Variants in TBXAS1 observed in about 807,000 individuals in gnomAD.
TBXAS1 encodes the protein thromboxane-A synthase.
Under a neutral mutation model 60.7 loss-of-function variants are expected in TBXAS1, and 48 were observed. That is an observed-to-expected ratio of 0.79 (90% CI 0.63 to 1.01). TBXAS1 has a LOEUF of 1.01. Among genes scored for constraint, TBXAS1 ranks in the 50% least tolerant of loss-of-function variants. The probability of loss-of-function intolerance (pLI) is 0.00; values close to 1 mark genes in which losing one functional copy is unlikely to be tolerated. For missense variants in TBXAS1, 685 were observed against 686.3 expected (o/e 1.00, Z 0.02); for synonymous variants, 287 against 269.7 (o/e 1.06, Z -0.63).
At chr7:139,798,840 G>A (rs1354433535) in intron 4 of TBXAS1, among the ~76,000 whole-genome samples, 1 of 152,186 alleles carries the variant, frequency 6.6e-6, no homozygotes, top group Non-Finnish European at 1.5e-5. Context: ...GTGTGTGAAA[G>A]ATTGAATTAC....
intron 3 of TBXAS1, among the ~76,000 whole-genome samples, chr7:139,903,097 AC>A (rs1317319746): frequency 6.7e-6 from 1 of 149,924 alleles, no homozygotes; most frequent in Non-Finnish European, 1.5e-5. Flanking sequence ...CCCTCCTCCC[AC>A]TCTCCCCAAC....
intron 5 of TBXAS1, among the ~76,000 whole-genome samples, chr7:139,951,916 A>G (rs1184413917): frequency 0.014 from 125 of 8,756 alleles, 21 homozygotes; most frequent in Middle Eastern, 0.056. Context: ...AGAGAAAGAA[A>G]GAGAGAAAGA....
At chr7:140,018,433 A>G (rs1291308094) in intron 12 of TBXAS1, among the ~76,000 whole-genome samples, 2 of 152,138 alleles carry the variant, frequency 1.3e-5, no homozygotes, top group African/African-American at 4.8e-5. Flanking sequence ...AGGTGGTGAC[A>G]CAGCCTCTTC....
At chr7:139,887,673 G>A (rs147770024) in intron 3 of TBXAS1, among the ~76,000 whole-genome samples, 2 of 152,280 alleles carry the variant, frequency 1.3e-5, no homozygotes, top group Admixed American at 6.5e-5. Flanking sequence ...TCGTTTGTTT[G>A]TAGATGGCGG....
chr7:139,882,279 A>G (rs1802756903), intron 3 of TBXAS1, among the ~76,000 whole-genome samples: 1 of 152,258 alleles, frequency 6.6e-6, no homozygotes, highest in Non-Finnish European at 1.5e-5. Context: ...GATATGAGAC[A>G]TCTGAATACA....
chr7:139,879,832 TTGTGTGTGTGTGTGTG>T lies in TBXAS1; in HGVS notation c.236+4227_236+4242del, dbSNP rs57176056. 3.5e-3 allele frequency among the ~76,000 whole-genome samples: 491 copies of T among 140,504 alleles called. 4 individuals carry two copies. The highest frequency in any genetic ancestry group is 0.014 in the Admixed American group (193 of 13,948). The allele number at this position is 140,504 out of a possible 152,430, so 92.2% of individuals were successfully genotyped here. ...AAGCTCCTTTTCCCTTTATCTCATT[TTGTGTGTGTGTGTGTG>T]TGTGTGTGTGTGTGTGTGTGTGTGT... On this transcript the variant is annotated intron_variant, in intron 3 of 12. Transcript: ENST00000448866.
intron 9 of TBXAS1, among the ~76,000 whole-genome samples, chr7:139,998,388 G>A (rs930205399): frequency 2.0e-5 from 3 of 152,138 alleles, no homozygotes; most frequent in Middle Eastern, 3.2e-3. Context: ...TGTACAAGAG[G>A]AAAGGAAGGG....
chr7:139,915,466 C>T (rs990111283), intron 4 of TBXAS1, among the ~76,000 whole-genome samples: 2 of 152,190 alleles, frequency 1.3e-5, no homozygotes, highest in African/African-American at 2.4e-5. Context: ...GAAAATACCT[C>T]GGCATATTAG....
At chr7:139,874,745 A>G (rs1802091844) in intron 2 of TBXAS1, among the ~76,000 whole-genome samples, 1 of 151,674 alleles carries the variant, frequency 6.6e-6, no homozygotes, top group South Asian at 2.1e-4. Context: ...CCCACCACAC[A>G]ATGGATCTAG....
At chr7:139,961,862 C>A (rs189394125) in intron 8 of TBXAS1, 57 bp from the exon 9 acceptor site, 127 of 1,602,762 alleles carry the variant, frequency 7.9e-5, no homozygotes, top group Middle Eastern at 4.9e-4. Flanking sequence ...CTCCAGGAAG[C>A]CTCACTCTTC....
At chr7:140,016,263 G>A in intron 11 of TBXAS1, 1 of 325,086 alleles carries the variant, frequency 3.1e-6, no homozygotes, top group South Asian at 3.0e-5. Context: ...AGGAGGCGGA[G>A]CTTGCAGTGA....
At chr7:139,800,352 T>G (rs1360362840) in intron 4 of TBXAS1, among the ~76,000 whole-genome samples, 2 of 152,144 alleles carry the variant, frequency 1.3e-5, no homozygotes, top group African/African-American at 4.8e-5. Context: ...CTGACTGAAC[T>G]GATCTCAGCA....
intron 3 of TBXAS1, among the ~76,000 whole-genome samples, chr7:139,785,920 G>A (rs1797176068): frequency 6.6e-6 from 1 of 151,448 alleles, no homozygotes; most frequent in South Asian, 2.1e-4. Context: ...CAGTTCACAT[G>A]CTATTTCCTT....
chr7:139,782,224 T>C (rs1394212225), intron 2 of TBXAS1, among the ~76,000 whole-genome samples: 1 of 151,432 alleles, frequency 6.6e-6, no homozygotes, highest in Admixed American at 6.6e-5. Flanking sequence ...TTTTTAACAG[T>C]ACATGGAACT....
At position 139,960,856 on chromosome 7, in the gene TBXAS1, T is replaced by G. The variant is rs553296253; in HGVS notation, c.820-1063T>G. On this transcript the variant is annotated intron_variant, in intron 8 of 12. Coordinates refer to ENST00000448866, the MANE Select transcript of TBXAS1 (RefSeq NM_001061.7). ...AGCTAGCAGAGTACTTTGCATGAAA[T>G]TCTAATATTTTTCTGTTGGTGATTC... 5.5e-4 allele frequency among the ~76,000 whole-genome samples: 83 copies of G among 152,254 alleles called. 1 individual carries two copies. Among genetic ancestry groups the G allele is most frequent in the South Asian group, 1.9e-3 (9 of 4,822 alleles).
intron 4 of TBXAS1, among the ~76,000 whole-genome samples, chr7:139,803,300 C>A (rs532102593): frequency 6.6e-6 from 1 of 152,154 alleles, no homozygotes; most frequent in Non-Finnish European, 1.5e-5. Context: ...TCTTGTTATG[C>A]TTTGGCAAAT....
At chr7:139,826,496 G>C (rs1422713585), upstream of TBXAS1, among the ~76,000 whole-genome samples, 1 of 152,144 alleles carries the variant, frequency 6.6e-6, no homozygotes, top group African/African-American at 2.4e-5. Context: ...GAAGGTTCTT[G>C]GCACCTGTGC....
intron 6 of TBXAS1, among the ~76,000 whole-genome samples, 177 bp from the exon 7 acceptor site, chr7:139,955,282 T>C (rs1254257011): frequency 6.6e-6 from 1 of 152,054 alleles, no homozygotes; most frequent in Admixed American, 6.5e-5. Flanking sequence ...GAGTGCCCCA[T>C]CCAGGAGCCC....
intron 9 of TBXAS1, among the ~76,000 whole-genome samples, chr7:140,000,003 C>T (rs1332013448): frequency 6.6e-6 from 1 of 152,126 alleles, no homozygotes; most frequent in East Asian, 1.9e-4. Flanking sequence ...TGCACACACA[C>T]CCAGTGTGTG....
Sources: gnomAD v4.1 joint callset for allele counts (sites outside exome capture counted in the v4.1 genomes callset) on GRCh38, gnomAD v4.1.1 for gene constraint, MANE v1.5 for transcripts, NCBI Gene and HGNC (gene_info 2026-07-23, HGNC 2026-07-21) for gene names.